SEPTIN5: variants seen among roughly 807,000 people sequenced by gnomAD.
SEPTIN5 encodes septin-5.
In SEPTIN5, 16 loss-of-function variants were observed where a neutral mutation model predicts 51.2. The observed-to-expected ratio is 0.31, with a 90% CI of 0.21 to 0.47. The LOEUF (loss-of-function observed/expected upper bound fraction) is 0.47. SEPTIN5 is among the 20% of genes least tolerant of loss of function. SEPTIN5 has a pLI of 0.99. For missense variants in SEPTIN5, 376 were observed against 500.3 expected (o/e 0.75, Z 2.37); for synonymous variants, 208 against 191.2 (o/e 1.09, Z -0.72).
chr22:19,721,570 T>A, intron 8 of SEPTIN5, 70 bp from the exon 9 acceptor site: 1 of 1,548,270 alleles, frequency 6.5e-7, no homozygotes, highest in Non-Finnish European at 8.9e-7. Flanking sequence ...GGGAGTTACA[T>A]GCCCGTTTCC....
Position 19,722,205 on chromosome 22 carries a change from G to A in SEPTIN5, c.951-32G>A. 3.6e-6 allele frequency: 5 copies of A among 1,390,376 alleles called. No individual in the cohort carries two copies. In the East Asian group the frequency reaches 9.8e-5, roughly 27 times the overall value. The allele number at this position is 1,390,376 out of a possible 1,614,324, so 86.1% of individuals were successfully genotyped here. A position where few individuals can be genotyped will look rare whatever the true frequency, so the allele number is the denominator to read the frequency against. Reference sequence around the variant, plus strand: ...CCACGCTGAGCCTCCCGGTGGCGCCGCCCCGCCCATCCTCCCCCCCGCCCC... The same window carrying A: ...CCACGCTGAGCCTCCCGGTGGCGCCACCCCGCCCATCCTCCCCCCCGCCCC... On this transcript the variant is annotated intron_variant, in intron 10 of 11. Coordinates refer to ENST00000455784, the MANE Select transcript of SEPTIN5 (RefSeq NM_002688.6).
rs995673431 is a variant in SEPTIN5, at chr22:19,722,492, C to T, written c.*8C>T. On this transcript the variant is annotated 3_prime_UTR_variant, in exon 12 of 12. Transcript: ENST00000455784. ...CAGATGCAGGACCAGTGACGCTCGC[C>T]GCGGACACACCGTCCGTCTCCGGGA... 1.9e-6 allele frequency: 3 copies of T among 1,588,760 alleles called. No homozygotes were observed. Among genetic ancestry groups the T allele is most frequent in the African/African-American group, 2.7e-5 (2 of 74,218 alleles).
intron 2 of SEPTIN5, among the ~76,000 whole-genome samples, chr22:19,716,188 G>A (rs544334247): frequency 6.6e-6 from 1 of 152,332 alleles, no homozygotes; most frequent in African/African-American, 2.4e-5. Context: ...CCCAGAGGAA[G>A]AAGGCACTGT....
In SEPTIN5 at chr22:19,720,238, G is replaced by C. The variant is rs1935999936; in HGVS notation, c.362G>C (p.Cys121Ser). The change falls in exon 5 of 12, where the codon TGC becomes TCC. Residue 121 changes from cysteine to serine, a missense_variant and splice_region_variant. Physicochemically the swap from Cys to Ser is moderately radical, Grantham distance 112. Around this residue, in one of 2 missense-constraint regions of SEPTIN5, gnomAD observed 287 missense variants for 417.1 expected, o/e 0.69. Transcript: ENST00000455784. ...GGGGACGCTGTCAACAACACCGAGTGGTGAGTGAGGCCTGCTGAGAAAGGC... is the reference window on the plus strand; with the variant it reads ...GGGGACGCTGTCAACAACACCGAGTCGTGAGTGAGGCCTGCTGAGAAAGGC... Reference protein sequence around the residue: ...GFGDAVNNTECWKPITDYVDQ... With the variant: ...GFGDAVNNTESWKPITDYVDQ... 6.2e-7 allele frequency: 1 copy of C among 1,613,416 alleles called. No individual in the cohort carries two copies. Among genetic ancestry groups the C allele is most frequent in the Non-Finnish European group, 8.5e-7 (1 of 1,180,016 alleles).
Position 19,722,353 on chromosome 22 carries a change from C to T in SEPTIN5, c.1053+14C>T, listed in dbSNP as rs1463258597. 1.2e-6 allele frequency: 2 copies of T among 1,602,476 alleles called. No individual in the cohort carries two copies. Among genetic ancestry groups the T allele is most frequent in the East Asian group, 2.3e-5 (1 of 44,408 alleles). On this transcript the variant is annotated intron_variant, in intron 11 of 11. Coordinates refer to ENST00000455784, the MANE Select transcript of SEPTIN5 (RefSeq NM_002688.6). The stretch of plus-strand genomic sequence containing the variant: ...AAGGATGAGGAAGTATGTGGGGCGG[C>T]GGGGGCGGCGGAGGCGGGCGTCAGG...
chr22:19,714,658 C>T lies in SEPTIN5; in HGVS notation c.43+27C>T. 2.0e-6 allele frequency: 3 copies of T among 1,513,322 alleles called. No individual in the cohort carries two copies. The highest frequency in any genetic ancestry group is 2.6e-5 in the East Asian group (1 of 38,612). The allele number at this position is 1,513,322 out of a possible 1,614,324, so 93.7% of individuals were successfully genotyped here. On this transcript the variant is annotated intron_variant, in intron 1 of 11. Transcript: ENST00000455784. The surrounding 1 kb of genome is among the most constrained non-coding windows in gnomAD (Gnocchi z 5.2). ...TGAGCCCAGCGCCTGCCCGCGTGCC[C>T]GCGCGCGCCTTTGTCCCCGCCGCCC...
chr22:19,721,803 A>AGCCC lies in SEPTIN5; in HGVS notation c.815-19_815-18insGCCC. The AGCCC allele has an allele frequency of 6.4e-7, 1 of 1,561,972 alleles. No individual in the cohort carries two copies. Among genetic ancestry groups the AGCCC allele is most frequent in the Non-Finnish European group, 8.8e-7 (1 of 1,138,870 alleles). On this transcript the variant is annotated intron_variant, in intron 9 of 11. Transcript: ENST00000455784. ...TGTCCTGGGCCGGCGCCAGCCCACT[A>AGCCC]CCCACCCCCACCCCGCAGTGGAGAA...
intron 3 of SEPTIN5, 23 bp downstream of exon 3, chr22:19,719,721 G>A (rs757325961): frequency 1.9e-6 from 3 of 1,612,254 alleles, no homozygotes; most frequent in South Asian, 2.2e-5. Flanking sequence ...GGCTCCTCGG[G>A]GGAGTGGCTG....
Position 19,714,759 on chromosome 22 carries a change from G to A in SEPTIN5, c.44-22G>A, listed in dbSNP as rs1345194413. On this transcript the variant is annotated intron_variant, in intron 1 of 11. Coordinates refer to ENST00000455784, the MANE Select transcript of SEPTIN5 (RefSeq NM_002688.6). The surrounding 1 kb of genome is among the most constrained non-coding windows in gnomAD (Gnocchi z 5.2). Reference sequence around the variant, plus strand: ...CCCGCTCGGAACCGGACCCGGACTCGACCCCGACCCCGACCCCGCAGAGGA... The same window carrying A: ...CCCGCTCGGAACCGGACCCGGACTCAACCCCGACCCCGACCCCGCAGAGGA... 4 of 1,580,030 alleles carry A rather than the reference G, an allele frequency of 2.5e-6. No homozygotes were observed. The highest frequency in any genetic ancestry group is 3.4e-6 in the Non-Finnish European group (4 of 1,170,918).
chr22:19,721,023 C>T (rs1246106220), intron 8 of SEPTIN5, 154 bp downstream of exon 8: 3 of 697,232 alleles, frequency 4.3e-6, no homozygotes, highest in South Asian at 1.6e-5. Flanking sequence ...GGACCTGTAC[C>T]CCCTTCATCC....
chr22:19,719,929 A>C, intron 4 of SEPTIN5, 37 bp downstream of exon 4: 1 of 1,609,904 alleles, frequency 6.2e-7, no homozygotes, highest in Non-Finnish European at 8.5e-7. Context: ...ACTGATCCCC[A>C]GTCCCCTTCC....
At position 19,720,664 on chromosome 22, in the gene SEPTIN5, C is replaced by T. The variant is rs1422309548; in HGVS notation, c.613C>T (p.Arg205Trp). The T allele has an allele frequency of 6.8e-6, 11 of 1,612,884 alleles. No homozygotes were observed. Among genetic ancestry groups the T allele is most frequent in the East Asian group, 2.2e-5 (1 of 44,874 alleles). The change falls in exon 7 of 12, where the codon CGG becomes TGG. Residue 205 changes from arginine (R) to tryptophan (W), a missense_variant and splice_region_variant. This residue lies in a region of SEPTIN5 where 287 missense variants were observed against 417.1 expected (regional missense o/e 0.69). Transcript: ENST00000455784. ...CAGTGAGATCCGGAAGCTGAAGGAG[C>T]GGGTGAGCCTGCCGTCGCACAGGGG... The part of the protein sequence containing the change: ...VPSEIRKLKE[R>W]IREEIDKFGI...
Position 19,720,620 on chromosome 22 carries a change from A to C in SEPTIN5, c.569A>C (p.Lys190Thr). The change falls in exon 7 of 12, where the codon AAA becomes ACA. Residue 190 changes from lysine to threonine, a missense_variant. Physicochemically the swap from Lys to Thr is moderately conservative, Grantham distance 78. Transcript: ENST00000455784. The part of the protein sequence containing the change: ...EKVNIVPLIA[K>T]ADCLVPSEIR... ...GTCAACATCGTGCCTCTCATCGCCA[A>C]AGCTGACTGTCTTGTCCCCAGTGAG... 1 of 1,613,002 alleles carries C rather than the reference A, an allele frequency of 6.2e-7. No individual in the cohort carries two copies. The highest frequency in any genetic ancestry group is 8.5e-7 in the Non-Finnish European group (1 of 1,180,024).
In SEPTIN5 at chr22:19,714,637, C is replaced by T. The variant is rs1451448529; in HGVS notation, c.43+6C>T. 7 of 1,509,598 alleles carry T rather than the reference C, an allele frequency of 4.6e-6. No homozygotes were observed. The highest frequency in any genetic ancestry group is 6.2e-6 in the Non-Finnish European group (7 of 1,134,374). 93.5% of individuals were successfully genotyped at this position (1,509,598 alleles called of 1,614,324 possible). On this transcript the variant is annotated splice_donor_region_variant and intron_variant, in intron 1 of 11. Transcript: ENST00000455784. The surrounding 1 kb of genome is among the most constrained non-coding windows in gnomAD (Gnocchi z 5.2). Reference sequence around the variant, plus strand: ...GAGCAAGCTGGCGACCCCAGGTGAGCCCAGCGCCTGCCCGCGTGCCCGCGC... The same window carrying T: ...GAGCAAGCTGGCGACCCCAGGTGAGTCCAGCGCCTGCCCGCGTGCCCGCGC...
Position 19,722,553 on chromosome 22 carries a change from C to T in SEPTIN5, c.*69C>T, listed in dbSNP as rs1186604717. On this transcript the variant is annotated 3_prime_UTR_variant, in exon 12 of 12. Coordinates refer to ENST00000455784, the MANE Select transcript of SEPTIN5 (RefSeq NM_002688.6). ...CCCCTGGACACCAGACCGGACTGTT[C>T]CCGACCCGGAGACGCGGGGCCACAG... is the stretch of plus-strand genomic sequence containing the variant. The T allele has an allele frequency of 6.6e-7, 1 of 1,510,096 alleles. No homozygotes were observed. The highest frequency in any genetic ancestry group is 9.0e-7 in the Non-Finnish European group (1 of 1,112,450). The allele number at this position is 1,510,096 out of a possible 1,614,324, so 93.5% of individuals were successfully genotyped here. A position where few individuals can be genotyped will look rare whatever the true frequency, so the allele number is the denominator to read the frequency against.
chr22:19,720,152 G>A lies in SEPTIN5; in HGVS notation c.276G>A (p.Thr92=), dbSNP rs142709503. The A allele has an allele frequency of 8.7e-6, 14 of 1,613,406 alleles. No homozygotes were observed. The highest frequency in any genetic ancestry group is 1.1e-5 in the South Asian group (1 of 91,088). Residue 92 remains threonine, a synonymous_variant, in exon 5 of 12, where the codon ACG becomes ACA. Coordinates refer to ENST00000455784, the MANE Select transcript of SEPTIN5 (RefSeq NM_002688.6). The part of the protein sequence containing the change: ...ISQTVEILKH[T]VDIEEKGVKL... ...AGACGGTAGAGATTCTAAAACACACGGTGGACATTGAGGAGAAGGGAGTCA... is the reference window on the plus strand; with the variant it reads ...AGACGGTAGAGATTCTAAAACACACAGTGGACATTGAGGAGAAGGGAGTCA...
Position 19,714,810 on chromosome 22 carries a change from T to C in SEPTIN5, c.54+19T>C, listed in dbSNP as rs1935891077. 1.3e-6 allele frequency: 2 copies of C among 1,553,584 alleles called. No individual in the cohort carries two copies. Among genetic ancestry groups the C allele is most frequent in the Non-Finnish European group, 8.6e-7 (1 of 1,156,852 alleles). ...CAAGCAGGTACGTGCGCAGCGCCGC[T>C]CCCCCGCCGGGAGACCCGGCCGGCT... is the stretch of plus-strand genomic sequence containing the variant. On this transcript the variant is annotated intron_variant, in intron 2 of 11. Transcript: ENST00000455784. The surrounding 1 kb of genome is among the most constrained non-coding windows in gnomAD (Gnocchi z 5.2).
At position 19,717,870 on chromosome 22, in the gene SEPTIN5, T is replaced by TAC. The variant is rs138910997; in HGVS notation, c.55-1720_55-1719dup. The TAC allele has an allele frequency of 9.3e-3, 1,619 of 173,222 alleles. 7 individuals are homozygous for TAC. The highest frequency in any genetic ancestry group is 0.014 in the Admixed American group (248 of 17,682). The allele number at this position is 173,222 out of a possible 1,614,324, so 10.7% of individuals were successfully genotyped here. A position where few individuals can be genotyped will look rare whatever the true frequency, so the allele number is the denominator to read the frequency against. On this transcript the variant is annotated intron_variant, in intron 2 of 11. Coordinates refer to ENST00000455784, the MANE Select transcript of SEPTIN5 (RefSeq NM_002688.6). Reference sequence around the variant, plus strand: ...TATACACGCGCACACACGCAGGCATTACACACACACACATTACACACACAC... The same window carrying TAC: ...TATACACGCGCACACACGCAGGCATTACACACACACACACATTACACACACAC...
intron 2 of SEPTIN5, chr22:19,717,824 A>G (rs1235084591): frequency 5.0e-6 from 1 of 201,488 alleles, no homozygotes; most frequent in Non-Finnish European, 1.0e-5. Flanking sequence ...ACACACGTAC[A>G]CACACACGCA....
Sources: gnomAD v4.1 joint callset for allele counts (sites outside exome capture counted in the v4.1 genomes callset) on GRCh38, gnomAD v4.1.1 for gene constraint, gnomAD v4.1.1 regional missense constraint, Gnocchi (gnomAD v3.1) non-coding constraint, MANE v1.5 for transcripts, NCBI Gene and HGNC (gene_info 2026-07-23, HGNC 2026-07-21) for gene names.